The following ROBO2 variants were observed in gnomAD, a reference collection of about 807,000 sequenced individuals.
ROBO2 encodes the protein roundabout guidance receptor 2.
ROBO2 carries 53 observed loss-of-function variants against 160.8 expected under a neutral mutation model. The ratio of observed to expected loss-of-function variants is 0.33; its 90% CI spans 0.26 to 0.41. The LOEUF (loss-of-function observed/expected upper bound fraction) is 0.41, where lower values mean the gene tolerates loss of function less well. Ranked by LOEUF, ROBO2 falls within the 10% of genes least tolerant of loss-of-function variation. ROBO2 has a pLI of 1.00. For synonymous variants in ROBO2, 664 were observed against 611.7 expected (o/e 1.09, Z -1.26); for missense variants, 1,577 against 1,722.4 (o/e 0.92, Z 1.49).
chr3:77,264,779 A>G (rs1156353306), intron 2 of ROBO2, among the ~76,000 whole-genome samples: 2 of 152,120 alleles, frequency 1.3e-5, no homozygotes, highest in African/African-American at 4.8e-5. Context: ...TTTCTTTGAT[A>G]TTCTTCTTAG....
chr3:76,159,363 T>C (rs2072531535), intron 2 of ROBO2, among the ~76,000 whole-genome samples: 1 of 152,188 alleles, frequency 6.6e-6, no homozygotes, highest in Non-Finnish European at 1.5e-5. Context: ...ACATTCTTTT[T>C]TCTAAAGCCA....
intron 2 of ROBO2, among the ~76,000 whole-genome samples, chr3:77,295,568 T>C (rs1489249615): frequency 1.3e-5 from 1 of 79,596 alleles, no homozygotes; most frequent in Non-Finnish European, 3.1e-5. Context: ...TAAAGTAAAA[T>C]TGACTGTTAA....
chr3:77,493,024 T>A (rs2086327855), intron 4 of ROBO2, among the ~76,000 whole-genome samples: 1 of 152,208 alleles, frequency 6.6e-6, no homozygotes, highest in Non-Finnish European at 1.5e-5. Context: ...AAAGGTTGTA[T>A]GGTCTTATGT....
chr3:76,901,765 A>T (rs1185101919), intron 2 of ROBO2, among the ~76,000 whole-genome samples: 3 of 151,934 alleles, frequency 2.0e-5, no homozygotes, highest in African/African-American at 7.2e-5. Context: ...ACCCACTTAA[A>T]TTTCTTAAAA....
intron 2 of ROBO2, among the ~76,000 whole-genome samples, chr3:76,256,735 A>C (rs1225882878): frequency 6.6e-6 from 1 of 152,148 alleles, no homozygotes; most frequent in East Asian, 1.9e-4. Flanking sequence ...TTGCATTGCT[A>C]TAAAGAAACA....
In ROBO2 at chr3:77,639,840, G is replaced by T. The variant is rs544451234; in HGVS notation, c.3934+4797G>T. On this transcript the variant is annotated intron_variant, in intron 24 of 25. Transcript: ENST00000461745. ...TTTTTTAAAAAGTCATTCTATTCTA[G>T]CTGCTGTGTTGAGATGTACTAAATG... 2.6e-5 allele frequency among the ~76,000 whole-genome samples: 4 copies of T among 152,226 alleles called. No individual in the cohort carries two copies. The South Asian group carries it at 8.3e-4, about 32-fold the overall frequency.
At chr3:75,971,068 T>G (rs2064978433) in intron 2 of ROBO2, among the ~76,000 whole-genome samples, 1 of 151,322 alleles carries the variant, frequency 6.6e-6, no homozygotes, top group South Asian at 2.1e-4. Context: ...AAAATTTACT[T>G]TTTTTCTTCA....
intron 2 of ROBO2, among the ~76,000 whole-genome samples, chr3:76,658,897 ATTTAG>A (rs1433020104): frequency 6.6e-6 from 1 of 152,126 alleles, no homozygotes; most frequent in East Asian, 1.9e-4. Flanking sequence ...TTGAATAGCT[ATTTAG>A]TTTATTTTAT....
chr3:76,921,833 C>T (rs1046216804), intron 2 of ROBO2, among the ~76,000 whole-genome samples: 3 of 152,166 alleles, frequency 2.0e-5, no homozygotes, highest in Non-Finnish European at 2.9e-5. Flanking sequence ...AATTTTTAGA[C>T]TCATATCTCA....
At chr3:76,608,761 G>A (rs1367331379) in intron 2 of ROBO2, among the ~76,000 whole-genome samples, 3 of 152,094 alleles carry the variant, frequency 2.0e-5, no homozygotes, top group Non-Finnish European at 2.9e-5. Context: ...GTGAGACATA[G>A]GGTCTTATTT....
At chr3:77,264,903 C>T (rs551202925) in intron 2 of ROBO2, among the ~76,000 whole-genome samples, 6 of 152,200 alleles carry the variant, frequency 3.9e-5, no homozygotes, top group Non-Finnish European at 7.4e-5. Flanking sequence ...AGCTATAATG[C>T]GGCCTGTTCC....
chr3:76,957,342 T>C (rs927667804), intron 2 of ROBO2, among the ~76,000 whole-genome samples: 2 of 152,132 alleles, frequency 1.3e-5, no homozygotes, highest in African/African-American at 4.8e-5. Context: ...GTAAACATTA[T>C]GTTTCCAATT....
chr3:76,880,750 T>C (rs1170662031), intron 2 of ROBO2, among the ~76,000 whole-genome samples: 1 of 152,164 alleles, frequency 6.6e-6, no homozygotes, highest in Non-Finnish European at 1.5e-5. Flanking sequence ...GGTTCATTCT[T>C]GATAACGCTA....
intron 6 of ROBO2, among the ~76,000 whole-genome samples, chr3:77,537,533 T>G (rs937662777): frequency 1.3e-5 from 2 of 152,186 alleles, no homozygotes; most frequent in Non-Finnish European, 2.9e-5. Context: ...CTTTGATTAT[T>G]TTTTCATATT....
At chr3:76,766,689 T>A (rs1182332525) in intron 2 of ROBO2, among the ~76,000 whole-genome samples, 1 of 151,650 alleles carries the variant, frequency 6.6e-6, no homozygotes, top group Non-Finnish European at 1.5e-5. Context: ...GATCTTTTCC[T>A]TAACAACAAA....
chr3:76,315,789 A>G (rs2071968259), intron 2 of ROBO2, among the ~76,000 whole-genome samples: 1 of 152,194 alleles, frequency 6.6e-6, no homozygotes, highest in Non-Finnish European at 1.5e-5. Context: ...TCAGATTTGA[A>G]CACAATGATT....
intron 2 of ROBO2, among the ~76,000 whole-genome samples, chr3:77,188,232 AGCCAACT>A (rs2081463679): frequency 1.4e-5 from 2 of 143,246 alleles, no homozygotes; most frequent in African/African-American, 6.0e-5. Flanking sequence ...GAAGGGTAAA[AGCCAACT>A]AAATGGACTT....
At chr3:76,481,448 T>C (rs1032417102) in intron 2 of ROBO2, among the ~76,000 whole-genome samples, 2 of 152,174 alleles carry the variant, frequency 1.3e-5, no homozygotes, top group Admixed American at 6.6e-5. Context: ...GAGAAGATAA[T>C]GTGCATAGTT....
chr3:77,371,706 T>C (rs755073558), intron 2 of ROBO2, among the ~76,000 whole-genome samples: 3 of 152,192 alleles, frequency 2.0e-5, no homozygotes, highest in Non-Finnish European at 4.4e-5. Context: ...CATAACACTT[T>C]ATTCTTGTGA....
Sources: gnomAD v4.1 joint callset for allele counts (sites outside exome capture counted in the v4.1 genomes callset) on GRCh38, gnomAD v4.1.1 for gene constraint, MANE v1.5 for transcripts, NCBI Gene and HGNC (gene_info 2026-07-23, HGNC 2026-07-21) for gene names.